The following VNN1 variants were observed in gnomAD, a reference collection of about 807,000 sequenced individuals.
VNN1 encodes the protein pantetheinase.
A neutral mutation model predicts 41.9 loss-of-function variants in VNN1; 29 were observed. The ratio of observed to expected loss-of-function variants is 0.69; its 90% CI spans 0.52 to 0.94. VNN1 has a LOEUF of 0.94. VNN1 is among the 40% of genes least tolerant of loss of function. The probability of loss-of-function intolerance (pLI) is 0.00; values close to 1 mark genes in which losing one functional copy is unlikely to be tolerated. For synonymous variants in VNN1, 233 were observed against 224.4 expected, an observed-to-expected ratio of 1.04 and a Z score of -0.34; for missense variants, 637 against 621.1, an observed-to-expected ratio of 1.03 and a Z score of -0.27.
intron 2 of VNN1, among the ~76,000 whole-genome samples, chr6:132,709,624 A>G (rs2088999345): frequency 6.6e-6 from 1 of 151,296 alleles, no homozygotes; most frequent in Non-Finnish European, 1.5e-5. Context: ...AGATCACGCC[A>G]CTGCACTCCA....
At chr6:132,687,433 A>C (rs752164307) in intron 5 of VNN1, among the ~76,000 whole-genome samples, 6 of 152,364 alleles carry the variant, frequency 3.9e-5, no homozygotes. Context: ...AGAAAACAGG[A>C]AATCCACACA....
rs1054725598 is a variant in VNN1, at chr6:132,681,394, G to A, written c.*1746C>T. 1.3e-5 allele frequency among the ~76,000 whole-genome samples: 2 copies of A among 152,142 alleles called. No homozygotes were observed. The highest frequency in any genetic ancestry group is 2.4e-5 in the African/African-American group (1 of 41,414). On this transcript the variant is annotated 3_prime_UTR_variant, in exon 7 of 7. Coordinates refer to ENST00000367928, the MANE Select transcript of VNN1 (RefSeq NM_004666.3). ...GCCTTGAGATGATGGCAGCCCTGGG[G>A]ACAAGTTAACTACAACTTTCCAAAG...
chr6:132,691,608 T>C (rs866275680), intron 5 of VNN1, among the ~76,000 whole-genome samples: 7 of 152,174 alleles, frequency 4.6e-5, no homozygotes, highest in African/African-American at 1.7e-4. Context: ...TAATGATCTG[T>C]AATTTGAATA....
chr6:132,712,674 A>G (rs1778621050), intron 1 of VNN1, among the ~76,000 whole-genome samples: 1 of 152,134 alleles, frequency 6.6e-6, no homozygotes, highest in Non-Finnish European at 1.5e-5. Context: ...AGGAGCCACA[A>G]ACTGGTTACT....
chr6:132,707,368 G>A (rs1207797836), intron 2 of VNN1, among the ~76,000 whole-genome samples: 1 of 152,142 alleles, frequency 6.6e-6, no homozygotes, highest in Non-Finnish European at 1.5e-5. Context: ...TACAGTCACT[G>A]TAGAGAACAG....
At chr6:132,700,670 C>T (rs1249785571) in intron 2 of VNN1, among the ~76,000 whole-genome samples, 1 of 152,160 alleles carries the variant, frequency 6.6e-6, no homozygotes, top group Admixed American at 6.5e-5. Flanking sequence ...ATGAAATGGA[C>T]ATGCTCCCTC....
chr6:132,686,399 A>G (rs61395604), intron 5 of VNN1, among the ~76,000 whole-genome samples: 4,231 of 152,218 alleles, frequency 0.028, 192 homozygotes, highest in African/African-American at 0.097. Context: ...AGTGAGCGGA[A>G]ATCATGCCAC....
intron 2 of VNN1, among the ~76,000 whole-genome samples, chr6:132,697,348 G>A (rs1041988624): frequency 2.0e-5 from 3 of 152,206 alleles, no homozygotes; most frequent in Non-Finnish European, 4.4e-5. Flanking sequence ...ACTAAATGCA[G>A]GGGATTCATT....
chr6:132,694,425 G>A (rs1392174976), intron 2 of VNN1, among the ~76,000 whole-genome samples: 1 of 152,168 alleles, frequency 6.6e-6, no homozygotes, highest in Non-Finnish European at 1.5e-5. Context: ...TTTCTTCATA[G>A]CATTTATCGT....
chr6:132,689,379 G>A (rs569431900), intron 5 of VNN1, among the ~76,000 whole-genome samples: 1 of 151,958 alleles, frequency 6.6e-6, no homozygotes, highest in South Asian at 2.1e-4. Context: ...ATTTCTTGGG[G>A]AAAAAAGTGC....
intron 2 of VNN1, among the ~76,000 whole-genome samples, chr6:132,701,017 T>C (rs1049356871): frequency 2.0e-5 from 3 of 152,198 alleles, no homozygotes; most frequent in Admixed American, 6.5e-5. Context: ...ATTACTATTA[T>C]GCTATGGTGG....
intron 2 of VNN1, among the ~76,000 whole-genome samples, chr6:132,706,873 G>T (rs1778526072): frequency 6.7e-6 from 1 of 148,426 alleles, no homozygotes; most frequent in Admixed American, 6.7e-5. Flanking sequence ...TTTCTCAAAA[G>T]AAGTTATACA....
intron 2 of VNN1, among the ~76,000 whole-genome samples, chr6:132,703,301 A>C (rs563657598): frequency 2.6e-5 from 4 of 152,322 alleles, no homozygotes; most frequent in African/African-American, 9.6e-5. Context: ...TCATATCTTG[A>C]GTAGAAAAAC....
rs527993852 is a variant in VNN1, at chr6:132,690,997, C to T, written c.1188+1226G>A. Among the ~76,000 whole-genome samples, 7 of 152,202 alleles carry T rather than the reference C, an allele frequency of 4.6e-5. No homozygotes were observed. The South Asian group carries it at 1.0e-3, about 23-fold the overall frequency. On this transcript the variant is annotated intron_variant, in intron 5 of 6. Coordinates refer to ENST00000367928, the MANE Select transcript of VNN1 (RefSeq NM_004666.3). ...CTATGAAAGATTAGTAGGTGGGGCT[C>T]GCCACGGATAAAGGACCAAACAATC...
intron 1 of VNN1, among the ~76,000 whole-genome samples, chr6:132,712,553 C>G (rs45585839): frequency 3.3e-5 from 5 of 152,126 alleles, no homozygotes; most frequent in Admixed American, 2.6e-4. Context: ...CTTGAACTTT[C>G]GCTGATGACT....
chr6:132,697,375 T>C (rs545736371), intron 2 of VNN1, among the ~76,000 whole-genome samples: 11 of 152,136 alleles, frequency 7.2e-5, no homozygotes, highest in Non-Finnish European at 1.5e-4. Context: ...CTGTTGCCAT[T>C]GTTCAAATAA....
rs369537218 is a variant in VNN1 at position 132,713,852 on chromosome 6, C to G, written c.184G>C (p.Gly62Arg). 2.9e-5 allele frequency: 46 copies of G among 1,613,102 alleles called. No homozygotes were observed. The highest frequency in any genetic ancestry group is 3.6e-5 in the Non-Finnish European group (43 of 1,180,032). ...TGATCTGCTGCTGATGTGATCGCTC[C>G]TTCCAAAATGTCCAGATTCCGATTC... ...LMNRNLDILE[G>R]AITSAADQGA... Residue 62 changes from glycine (G) to arginine (R), a missense_variant, in exon 1 of 7, where the codon GGA becomes CGA. Gly to Arg is a moderately radical substitution (Grantham distance 125). Transcript: ENST00000367928.
chr6:132,696,812 G>A (rs1232840884), intron 2 of VNN1, among the ~76,000 whole-genome samples: 1 of 151,366 alleles, frequency 6.6e-6, no homozygotes, highest in Non-Finnish European at 1.5e-5. Flanking sequence ...GGGAGGGGAG[G>A]AGAGGAGAGG....
At chr6:132,688,396 C>T (rs567639999) in intron 5 of VNN1, among the ~76,000 whole-genome samples, 3 of 152,200 alleles carry the variant, frequency 2.0e-5, no homozygotes, top group Non-Finnish European at 2.9e-5. Flanking sequence ...TGGTACCAAT[C>T]GTTTAGATGA....
Sources: allele counts gnomAD v4.1 joint callset (sites outside exome capture counted in the v4.1 genomes callset), GRCh38; gene constraint gnomAD v4.1.1; transcripts MANE v1.5; gene names NCBI Gene and HGNC (gene_info 2026-07-23, HGNC 2026-07-21).